TBC1D9: variants seen among roughly 807,000 people sequenced by gnomAD.
The protein encoded by TBC1D9 is TBC1 domain family member 9, also known as TBC1 domain family member 9A.
A neutral mutation model predicts 132.0 loss-of-function variants in TBC1D9; 63 were observed. The ratio of observed to expected loss-of-function variants is 0.48; its 90% CI spans 0.39 to 0.59. The LOEUF is 0.59. Ranked by LOEUF, TBC1D9 falls within the 20% of genes least tolerant of loss-of-function variation. The pLI is 0.00. For missense variants in TBC1D9, 1,261 were observed against 1,592.7 expected, an observed-to-expected ratio of 0.79 and a Z score of 3.54; for synonymous variants, 610 against 609.9, an observed-to-expected ratio of 1.00 and a Z score of 0.00.
intron 13 of TBC1D9, chr4:140,642,377 A>G (rs1560870387): frequency 1.2e-6 from 1 of 837,072 alleles, no homozygotes; most frequent in Non-Finnish European, 2.0e-6. Flanking sequence ...CTTCTCTGGA[A>G]GATTTCAGAG....
intron 2 of TBC1D9, among the ~76,000 whole-genome samples, chr4:140,694,878 A>ACATGTATTG (rs1211954141): frequency 6.6e-6 from 1 of 151,966 alleles, no homozygotes; most frequent in Admixed American, 6.5e-5. Context: ...TTTGCAATAA[A>ACATGTATTG]CATGTATTGC....
At chr4:140,627,057 T>A (rs1224908708) in intron 18 of TBC1D9, among the ~76,000 whole-genome samples, 1 of 152,262 alleles carries the variant, frequency 6.6e-6, no homozygotes, top group African/African-American at 2.4e-5. Flanking sequence ...CGGGCTATAG[T>A]TTGCCAACTT....
At position 140,633,612 on chromosome 4, in the gene TBC1D9, A is replaced by G. The variant is rs191241531; in HGVS notation, c.2746+336T>C. On this transcript the variant is annotated intron_variant, in intron 16 of 20. Coordinates refer to ENST00000442267, the MANE Select transcript of TBC1D9 (RefSeq NM_015130.3). ...GATGTTTTATGCAATTATATATAATATATTCAATAAAATATTCTATTTTTT... is the reference window on the plus strand; with the variant it reads ...GATGTTTTATGCAATTATATATAATGTATTCAATAAAATATTCTATTTTTT... Among the ~76,000 whole-genome samples, 341 of 152,326 alleles carry G rather than the reference A, an allele frequency of 2.2e-3. 1 individual carries two copies. Among genetic ancestry groups the G allele is most frequent in the African/African-American group, 8.0e-3 (331 of 41,562 alleles).
chr4:140,649,468 A>T (rs1041426156), intron 13 of TBC1D9, among the ~76,000 whole-genome samples: 1 of 152,236 alleles, frequency 6.6e-6, no homozygotes, highest in Non-Finnish European at 1.5e-5. Context: ...AACTCCAAAT[A>T]CTTAAGATAG....
intron 6 of TBC1D9, among the ~76,000 whole-genome samples, chr4:140,674,704 T>C (rs10010464): frequency 0.22 from 32,930 of 149,950 alleles, 3,878 homozygotes; most frequent in African/African-American, 0.32. Context: ...TTTTTTTAAT[T>C]TTTTATTTTT....
intron 1 of TBC1D9, among the ~76,000 whole-genome samples, chr4:140,733,706 G>A (rs1018467104): frequency 2.0e-5 from 3 of 152,008 alleles, no homozygotes; most frequent in Admixed American, 2.0e-4. Context: ...GAATCTAAAG[G>A]TTCATGAAAA....
chr4:140,687,342 T>TGTGTTA (rs1560885798), intron 2 of TBC1D9, among the ~76,000 whole-genome samples: 4 of 54,518 alleles, frequency 7.3e-5, no homozygotes, highest in Non-Finnish European at 1.1e-4. Flanking sequence ...TGTGTGTGTG[T>TGTGTTA]CATATATATA....
chr4:140,671,484 A>G (rs576613690), intron 6 of TBC1D9, among the ~76,000 whole-genome samples: 1 of 152,274 alleles, frequency 6.6e-6, no homozygotes, highest in East Asian at 1.9e-4. Flanking sequence ...AACCCATGAT[A>G]CTGGTTCCTT....
intron 2 of TBC1D9, 82 bp downstream of exon 2, chr4:140,701,422 C>T: frequency 9.9e-7 from 1 of 1,013,800 alleles, no homozygotes; most frequent in South Asian, 1.4e-5. Context: ...TCAGCAAGTA[C>T]ACGTTCCTTT....
intron 1 of TBC1D9, among the ~76,000 whole-genome samples, chr4:140,728,558 A>C (rs567862368): frequency 6.6e-6 from 1 of 152,246 alleles, no homozygotes; most frequent in South Asian, 2.1e-4. Flanking sequence ...CAGTGATGCA[A>C]TCTCGGCTCA....
At chr4:140,666,728 A>G (rs910435203) in intron 9 of TBC1D9, among the ~76,000 whole-genome samples, 2 of 117,238 alleles carry the variant, frequency 1.7e-5, no homozygotes, top group Non-Finnish European at 3.6e-5. Context: ...AATTCTGTGA[A>G]TATACTAAAA....
intron 18 of TBC1D9, among the ~76,000 whole-genome samples, chr4:140,625,052 CA>C (rs11332597): frequency 0.42 from 61,492 of 145,590 alleles, 13,424 homozygotes; most frequent in South Asian, 0.52. Context: ...AACTCCATCT[CA>C]AAAAAAAAAA....
At chr4:140,712,138 T>C (rs973386544) in intron 1 of TBC1D9, 3 of 152,166 alleles carry the variant, frequency 2.0e-5, no homozygotes, top group African/African-American at 7.2e-5. Context: ...GGTTGCAACA[T>C]GCTAGCTAAG....
chr4:140,701,398 A>T, intron 2 of TBC1D9, 106 bp downstream of exon 2: 1 of 790,720 alleles, frequency 1.3e-6, no homozygotes, highest in Non-Finnish European at 2.1e-6. Flanking sequence ...ACCCTAAAAT[A>T]CCAGTGATTG....
rs957339718 is a variant in TBC1D9 at position 140,755,824 on chromosome 4, C to T, written c.130+92G>A. The T allele has an allele frequency of 2.0e-5, 27 of 1,372,246 alleles. No homozygotes were observed. In the African/African-American group the frequency reaches 3.8e-4, roughly 19 times the overall value. The allele number at this position is 1,372,246 out of a possible 1,614,324, so 85.0% of individuals were successfully genotyped here. A position where few individuals can be genotyped will look rare whatever the true frequency, so the allele number is the denominator to read the frequency against. On this transcript the variant is annotated intron_variant, in intron 1 of 20. Coordinates refer to ENST00000442267, the MANE Select transcript of TBC1D9 (RefSeq NM_015130.3). ...GGCGGGTCGCCCAGCCCCAGGGGACCGGGCGGCGTCTCCCGAGCCTGCAGC... is the reference window on the plus strand; with the variant it reads ...GGCGGGTCGCCCAGCCCCAGGGGACTGGGCGGCGTCTCCCGAGCCTGCAGC...
At chr4:140,631,953 A>G (rs1736801680) in intron 16 of TBC1D9, among the ~76,000 whole-genome samples, 1 of 152,032 alleles carries the variant, frequency 6.6e-6, no homozygotes, top group African/African-American at 2.4e-5. Context: ...TGACTTTCCC[A>G]TCTCCATAAC....
chr4:140,712,466 G>C lies in TBC1D9; in HGVS notation c.131-10852C>G, dbSNP rs1382856152. Among the ~76,000 whole-genome samples the C allele has an allele frequency of 7.7e-5, 2 of 26,000 alleles. 1 individual carries two copies. Among genetic ancestry groups the C allele is most frequent in the Non-Finnish European group, 1.2e-4 (2 of 16,112 alleles). 17.1% of individuals were successfully genotyped at this position (26,000 alleles called of 152,430 possible). Reference sequence around the variant, plus strand: ...AAAAAAAGAATATATATATATGCCAGGTGCGGTGGCTCAGGCCTGTAATCC... The same window carrying C: ...AAAAAAAGAATATATATATATGCCACGTGCGGTGGCTCAGGCCTGTAATCC... On this transcript the variant is annotated intron_variant, in intron 1 of 20. Transcript: ENST00000442267.
chr4:140,648,754 C>T (rs1737142885), intron 13 of TBC1D9, among the ~76,000 whole-genome samples: 1 of 152,148 alleles, frequency 6.6e-6, no homozygotes, highest in African/African-American at 2.4e-5. Context: ...CTGATACCAA[C>T]CAACAAATAG....
chr4:140,635,412 G>T (rs1035868415), intron 15 of TBC1D9, among the ~76,000 whole-genome samples: 6 of 152,146 alleles, frequency 3.9e-5, no homozygotes, highest in African/African-American at 1.4e-4. Context: ...AGCCCAGGAG[G>T]TCAAGTCTGC....
Sources: allele counts gnomAD v4.1 joint callset (sites outside exome capture counted in the v4.1 genomes callset), GRCh38; gene constraint gnomAD v4.1.1; transcripts MANE v1.5; gene names NCBI Gene and HGNC (gene_info 2026-07-23, HGNC 2026-07-21).